KLHL1: variants seen among roughly 807,000 people sequenced by gnomAD.
KLHL1 encodes kelch like family member 1.
Under a neutral mutation model 77.7 loss-of-function variants are expected in KLHL1, and 47 were observed. That is an observed-to-expected ratio of 0.60 (90% CI 0.48 to 0.77). The LOEUF is 0.77. Ranked by LOEUF, KLHL1 falls within the 30% of genes least tolerant of loss-of-function variation. KLHL1 has a pLI of 0.00. For missense variants in KLHL1, 925 were observed against 910.8 expected (o/e 1.02, Z -0.20); for synonymous variants, 360 against 325.2 (o/e 1.11, Z -1.15).
intron 1 of KLHL1, among the ~76,000 whole-genome samples, chr13:69,991,699 G>A (rs921519194): frequency 1.3e-5 from 2 of 151,354 alleles, no homozygotes; most frequent in African/African-American, 4.9e-5. Context: ...CCTGGGACCA[G>A]ATGGATTCAC....
At chr13:69,978,905 A>C (rs1464118781) in intron 1 of KLHL1, among the ~76,000 whole-genome samples, 1 of 152,130 alleles carries the variant, frequency 6.6e-6, no homozygotes, top group South Asian at 2.1e-4. Context: ...CTATTAAAGA[A>C]AAGAGTGAGA....
At chr13:69,736,216 A>C (rs1253591248) in intron 8 of KLHL1, among the ~76,000 whole-genome samples, 1 of 152,206 alleles carries the variant, frequency 6.6e-6, no homozygotes, top group African/African-American at 2.4e-5. Flanking sequence ...TCCCATTAAA[A>C]ATTGGGCTAA....
intron 7 of KLHL1, among the ~76,000 whole-genome samples, chr13:69,755,797 G>A (rs905732941): frequency 2.0e-5 from 3 of 152,114 alleles, no homozygotes; most frequent in African/African-American, 7.2e-5. Flanking sequence ...AGATAAAATT[G>A]AGGAAATTAC....
At chr13:69,886,658 A>G (rs1881231256) in intron 4 of KLHL1, among the ~76,000 whole-genome samples, 1 of 152,092 alleles carries the variant, frequency 6.6e-6, no homozygotes, top group African/African-American at 2.4e-5. Context: ...CTATAGCAAT[A>G]TATTTTATTA....
At position 69,754,929 on chromosome 13, in the gene KLHL1, G is replaced by A. The variant is rs78937067; in HGVS notation, c.1640-14373C>T. ...ACTCAAATGGGAAGTTTTCTGTAAG[G>A]TTCTCTATTGTTTTAGTAAGATTTT... On this transcript the variant is annotated intron_variant, in intron 7 of 10. Transcript: ENST00000377844. 2.8e-3 allele frequency among the ~76,000 whole-genome samples: 421 copies of A among 152,134 alleles called. 3 individuals are homozygous for A. Among genetic ancestry groups the A allele is most frequent in the African/African-American group, 9.8e-3 (405 of 41,520 alleles).
chr13:69,961,446 TGAAA>T lies in KLHL1; in HGVS notation c.681-6_681-3del. The T allele has an allele frequency of 6.2e-7, 1 of 1,612,558 alleles. No individual in the cohort carries two copies. The stretch of plus-strand genomic sequence containing the variant: ...TCGGAGACTGAACTCAGAACAAGCC[TGAAA>T]GAGTCACAGGTTCTAATTTAGGTCG... On this transcript the variant is annotated splice_polypyrimidine_tract_variant and splice_region_variant and intron_variant, in intron 2 of 10. Transcript: ENST00000377844.
intron 2 of KLHL1, among the ~76,000 whole-genome samples, chr13:69,966,644 G>A (rs916059180): frequency 6.6e-6 from 1 of 151,736 alleles, no homozygotes; most frequent in African/African-American, 2.4e-5. Context: ...TTGCATACAC[G>A]TGCAATTTTG....
intron 1 of KLHL1, among the ~76,000 whole-genome samples, chr13:70,050,551 C>T (rs1886605038): frequency 6.6e-6 from 1 of 151,804 alleles, no homozygotes; most frequent in Admixed American, 6.6e-5. Flanking sequence ...ACTGATTTCC[C>T]TTTTATGTGT....
intron 7 of KLHL1, among the ~76,000 whole-genome samples, chr13:69,771,378 T>C (rs1875558865): frequency 6.6e-6 from 1 of 152,138 alleles, no homozygotes; most frequent in African/African-American, 2.4e-5. Context: ...AAGAATCAAC[T>C]GCCACAACTA....
At chr13:69,768,868 A>G (rs1875435120) in intron 7 of KLHL1, among the ~76,000 whole-genome samples, 2 of 152,160 alleles carry the variant, frequency 1.3e-5, no homozygotes, top group Admixed American at 6.6e-5. Flanking sequence ...TGTGGTTCTT[A>G]TCTTTACATG....
At chr13:69,778,559 T>TATC (rs1875952946) in intron 7 of KLHL1, among the ~76,000 whole-genome samples, 1 of 152,154 alleles carries the variant, frequency 6.6e-6, no homozygotes, top group Non-Finnish European at 1.5e-5. Context: ...GTACAAGAGA[T>TATC]ATCTATGGAT....
rs928309869 is a variant in KLHL1 at position 69,748,797 on chromosome 13, G to A, written c.1640-8241C>T. Among the ~76,000 whole-genome samples the A allele has an allele frequency of 3.3e-5, 5 of 151,862 alleles. No homozygotes were observed. The East Asian group carries it at 7.8e-4, about 24-fold the overall frequency. On this transcript the variant is annotated intron_variant, in intron 7 of 10. Transcript: ENST00000377844. ...AATGGTCAGGATGGTCTGTCTTAGGGGTGGTCACTAAATCTAAGAAATTAA... is the reference window on the plus strand; with the variant it reads ...AATGGTCAGGATGGTCTGTCTTAGGAGTGGTCACTAAATCTAAGAAATTAA...
At chr13:69,875,237 T>A (rs920027530) in intron 5 of KLHL1, among the ~76,000 whole-genome samples, 1 of 151,992 alleles carries the variant, frequency 6.6e-6, no homozygotes, top group Non-Finnish European at 1.5e-5. Context: ...TAAAAGTACA[T>A]TTAATAATTA....
intron 4 of KLHL1, among the ~76,000 whole-genome samples, chr13:69,890,872 G>C (rs1384379668): frequency 2.0e-5 from 3 of 151,854 alleles, no homozygotes; most frequent in African/African-American, 7.3e-5. Flanking sequence ...ACTCTATATT[G>C]CTTCTTTGCA....
rs536374539 is a variant in KLHL1, at chr13:70,004,690, A to G, written c.498-28888T>C. Among the ~76,000 whole-genome samples, 15 of 152,034 alleles carry G rather than the reference A, an allele frequency of 9.9e-5. No homozygotes were observed. The South Asian group carries it at 1.0e-3, about 10-fold the overall frequency. On this transcript the variant is annotated intron_variant, in intron 1 of 10. Coordinates refer to ENST00000377844, the MANE Select transcript of KLHL1 (RefSeq NM_020866.3). ...ATTCTTAAAGGCAAACCATTTCTGC[A>G]TTAAAAATACTTTTTTAAAATGTTG...
At chr13:70,008,444 C>T (rs1885456067) in intron 1 of KLHL1, among the ~76,000 whole-genome samples, 1 of 151,990 alleles carries the variant, frequency 6.6e-6, no homozygotes, top group Non-Finnish European at 1.5e-5. Flanking sequence ...ATCTACTATG[C>T]CTGGTAGTAT....
chr13:69,983,602 A>T (rs1379366099), intron 1 of KLHL1, among the ~76,000 whole-genome samples: 2 of 136,042 alleles, frequency 1.5e-5, no homozygotes, highest in Non-Finnish European at 3.0e-5. Flanking sequence ...GAAGAAGAAG[A>T]AGAGAAAAAA....
rs369948303 is a variant in KLHL1 at position 70,050,924 on chromosome 13, G to C, written c.497+56279C>G. ...TAAATTGAATCTCATATTTGTCATA[G>C]CTAATTGGAGCAGATAAGTACCTCT... On this transcript the variant is annotated intron_variant, in intron 1 of 10. Transcript: ENST00000377844. 9.7e-4 allele frequency among the ~76,000 whole-genome samples: 147 copies of C among 152,030 alleles called. 6 individuals are homozygous for C. In the South Asian group the frequency reaches 0.03, roughly 31 times the overall value.
intron 4 of KLHL1, among the ~76,000 whole-genome samples, chr13:69,915,480 C>T (rs531394754): frequency 5.3e-5 from 8 of 152,210 alleles, no homozygotes; most frequent in Non-Finnish European, 8.8e-5. Flanking sequence ...CTGACAAAAA[C>T]GAGAAATGGG....
Sources: allele counts gnomAD v4.1 joint callset (sites outside exome capture counted in the v4.1 genomes callset), GRCh38; gene constraint gnomAD v4.1.1; transcripts MANE v1.5; gene names NCBI Gene and HGNC (gene_info 2026-07-23, HGNC 2026-07-21).